The following METTL13 variants were observed in gnomAD, a reference collection of about 807,000 sequenced individuals.
METTL13 encodes methyltransferase 13, eEF1A N-terminus and K55.
In METTL13, 52 loss-of-function variants were observed where a neutral mutation model predicts 67.4. That is an observed-to-expected ratio of 0.77 (90% CI 0.62 to 0.97). The LOEUF is 0.97. METTL13 is among the 50% of genes least tolerant of loss of function. METTL13 has a pLI of 0.00. For synonymous variants in METTL13, 354 were observed against 353.6 expected, an observed-to-expected ratio of 1.00 and a Z score of -0.01; for missense variants, 825 against 889.6, an observed-to-expected ratio of 0.93 and a Z score of 0.92.
At chr1:171,783,307 T>C (rs1397553875) in intron 1 of METTL13, among the ~76,000 whole-genome samples, 2 of 152,164 alleles carry the variant, frequency 1.3e-5, no homozygotes, top group Admixed American at 1.3e-4. Context: ...GGAAGTAAGA[T>C]TTGAATCCTC....
Position 171,796,525 on chromosome 1 carries a change from AG to A in METTL13, c.1870del (p.Asp624ThrfsTer23). 1 of 1,614,232 alleles carries A rather than the reference AG, an allele frequency of 6.2e-7. No homozygotes were observed. The highest frequency in any genetic ancestry group is 8.5e-7 in the Non-Finnish European group (1 of 1,180,044). On this transcript the variant is annotated frameshift_variant, in exon 8 of 8. Transcript: ENST00000361735. LOFTEE classifies it high-confidence loss of function. ...TTGTGTGCCGAGACTTGGGGCTAAAAGACTCAGTGCTGGCTGGGCTCAAGGC... is the reference window on the plus strand; with the variant it reads ...TTGTGTGCCGAGACTTGGGGCTAAAAACTCAGTGCTGGCTGGGCTCAAGGC... ...NLVCRDLGLK[D>X]SVLAGLKAVF...
At chr1:171,794,282 C>T (rs2124906729) in intron 6 of METTL13, 114 bp from the exon 7 acceptor site, 2 of 1,460,974 alleles carry the variant, frequency 1.4e-6, no homozygotes, top group East Asian at 4.7e-5. Flanking sequence ...TCTGTGTCAT[C>T]CTTCTAACTT....
In METTL13 at chr1:171,793,699, A is replaced by G. The variant is rs1445862896; in HGVS notation, c.1694-697A>G. ...TAACATTATAGTAAGGAGCAGATCC[A>G]TTTCTTCATCAGTTCTTTCTCACCC... On this transcript the variant is annotated intron_variant, in intron 6 of 7. Coordinates refer to ENST00000361735, the MANE Select transcript of METTL13 (RefSeq NM_015935.5). Among the ~76,000 whole-genome samples, 4 of 152,240 alleles carry G rather than the reference A, an allele frequency of 2.6e-5. No individual in the cohort carries two copies. In the East Asian group the frequency reaches 7.7e-4, roughly 29 times the overall value.
At chr1:171,786,189 A>G (rs906345205) in intron 3 of METTL13, 111 bp downstream of exon 3, 1 of 1,164,700 alleles carries the variant, frequency 8.6e-7, no homozygotes, top group Non-Finnish European at 1.2e-6. Flanking sequence ...CTCTTCATCT[A>G]ATCCTGGAGG....
rs1161503150 is a variant in METTL13 at position 171,784,250 on chromosome 1, A to G, written c.664A>G (p.Ile222Val). The change falls in exon 2 of 8, where the codon ATC (isoleucine) becomes GTC (valine). Residue 222 changes from isoleucine (I) to valine (V), a missense_variant. By Grantham distance (29) the Ile-to-Val change is conservative (BLOSUM62 3). Transcript: ENST00000361735. ...FRPVPGSALQIFELCAQEQRK... is the reference protein window; with the variant it reads ...FRPVPGSALQVFELCAQEQRK... ...GCCAGTCCCTGGCTCTGCCCTTCAG[A>G]TCTTTGAGCTGTGTGCTCAGGAGCA... 3 of 1,614,052 alleles carry G rather than the reference A, an allele frequency of 1.9e-6. No individual in the cohort carries two copies. The highest frequency in any genetic ancestry group is 3.3e-5 in the Admixed American group (2 of 60,034).
At position 171,784,181 on chromosome 1, in the gene METTL13, C is replaced by G. The variant is rs150322704; in HGVS notation, c.595C>G (p.Gln199Glu). 6.2e-7 allele frequency: 1 copy of G among 1,614,116 alleles called. No homozygotes were observed. The highest frequency in any genetic ancestry group is 1.3e-5 in the African/African-American group (1 of 74,952). Reference protein sequence around the residue: ...SQDQVLEAEPQFSLPVFAFIM... With the variant: ...SQDQVLEAEPEFSLPVFAFIM... ...GGACCAGGTGTTGGAAGCAGAGCCTCAGTTCTCCTTGCCTGTCTTTGCCTT... is the reference window on the plus strand; with the variant it reads ...GGACCAGGTGTTGGAAGCAGAGCCTGAGTTCTCCTTGCCTGTCTTTGCCTT... Residue 199 changes from glutamine (Q) to glutamate (E), a missense_variant, in exon 2 of 8, where the codon CAG (glutamine) becomes GAG (glutamate). By Grantham distance (29) the Gln-to-Glu change is conservative. Coordinates refer to ENST00000361735, the MANE Select transcript of METTL13 (RefSeq NM_015935.5).
chr1:171,788,925 C>G (rs547713770), intron 4 of METTL13, among the ~76,000 whole-genome samples: 93 of 152,286 alleles, frequency 6.1e-4, no homozygotes, highest in Middle Eastern at 6.8e-3. Context: ...AGCCTAGAAT[C>G]AAGTTACCCA....
chr1:171,791,882 A>G lies in METTL13; in HGVS notation c.1475-135A>G, dbSNP rs1165779554. The G allele has an allele frequency of 6.3e-6, 5 of 790,164 alleles. No homozygotes were observed. In the African/African-American group the frequency reaches 8.6e-5, roughly 14 times the overall value. The allele number at this position is 790,164 out of a possible 1,614,324, so 48.9% of individuals were successfully genotyped here. ...AATTCACTCCTAGATTTCTGAAATG[A>G]GACAGGGAGACCTCTAAATCTTGTA... is the stretch of plus-strand genomic sequence containing the variant. On this transcript the variant is annotated intron_variant, in intron 5 of 7. Coordinates refer to ENST00000361735, the MANE Select transcript of METTL13 (RefSeq NM_015935.5).
intron 6 of METTL13, among the ~76,000 whole-genome samples, chr1:171,792,908 T>C (rs1657252504): frequency 6.6e-6 from 1 of 152,216 alleles, no homozygotes; most frequent in Non-Finnish European, 1.5e-5. Flanking sequence ...CTTCTGCAAC[T>C]AGAATTAAGG....
At position 171,784,165 on chromosome 1, in the gene METTL13, G is replaced by T; in HGVS notation, c.579G>T (p.Val193=). 1.2e-6 allele frequency: 2 copies of T among 1,614,240 alleles called. No homozygotes were observed. Among genetic ancestry groups the T allele is most frequent in the Non-Finnish European group, 1.7e-6 (2 of 1,180,056 alleles). ...AAGTGGCCAACAGCCAGGACCAGGT[G>T]TTGGAAGCAGAGCCTCAGTTCTCCT... is the stretch of plus-strand genomic sequence containing the variant. ...VHQVANSQDQ[V]LEAEPQFSLP... The change falls in exon 2 of 8, where the codon GTG becomes GTT. Residue 193 remains valine, a synonymous_variant. Coordinates refer to ENST00000361735, the MANE Select transcript of METTL13 (RefSeq NM_015935.5).
chr1:171,788,759 C>G (rs1657107952), intron 4 of METTL13, among the ~76,000 whole-genome samples: 1 of 152,234 alleles, frequency 6.6e-6, no homozygotes, highest in African/African-American at 2.4e-5. Context: ...TGCATCTTCC[C>G]TGTCTGAGGC....
intron 1 of METTL13, among the ~76,000 whole-genome samples, chr1:171,783,430 C>T (rs537691655): frequency 6.6e-6 from 1 of 152,306 alleles, no homozygotes; most frequent in Admixed American, 6.5e-5. Context: ...TCTCTGACTT[C>T]CTATTAATTC....
At chr1:171,795,391 C>T (rs1558133771) in intron 7 of METTL13, among the ~76,000 whole-genome samples, 1 of 152,108 alleles carries the variant, frequency 6.6e-6, no homozygotes, top group Non-Finnish European at 1.5e-5. Flanking sequence ...GTTGTAATTG[C>T]TGGATCATAG....
rs758308732 is a variant in METTL13, at chr1:171,786,070, C to T, written c.1105C>T (p.Gln369Ter). ...MELAPAGMPT[Q>*]QQVPFLSVGG... ...GCTGGCCCCAGCTGGGATGCCCACC[C>T]AGCAGCAGGTAACAAAGCTTTCGTA... Residue 369 changes from glutamine (Q) to a stop codon, truncating the protein, a stop_gained, in exon 3 of 8, where the codon CAG becomes TAG. Coordinates refer to ENST00000361735, the MANE Select transcript of METTL13 (RefSeq NM_015935.5). LOFTEE classifies it high-confidence loss of function. 2 of 1,612,474 alleles carry T rather than the reference C, an allele frequency of 1.2e-6. No homozygotes were observed. The highest frequency in any genetic ancestry group is 1.3e-5 in the African/African-American group (1 of 75,014).
intron 4 of METTL13, among the ~76,000 whole-genome samples, chr1:171,790,197 G>A (rs753706593): frequency 4.6e-5 from 7 of 152,206 alleles, no homozygotes; most frequent in Non-Finnish European, 1.0e-4. Context: ...CCATTCATGA[G>A]GGATCTGCCC....
At position 171,796,898 on chromosome 1, in the gene METTL13, G is replaced by T; in HGVS notation, c.*142G>T. 4 of 1,096,796 alleles carry T rather than the reference G, an allele frequency of 3.6e-6. No homozygotes were observed. The South Asian group carries it at 6.4e-5, about 17-fold the overall frequency. 67.9% of individuals were successfully genotyped at this position (1,096,796 alleles called of 1,614,324 possible). On this transcript the variant is annotated 3_prime_UTR_variant, in exon 8 of 8. Coordinates refer to ENST00000361735, the MANE Select transcript of METTL13 (RefSeq NM_015935.5). ...CTCAGCTACATGTGACCTCCAGCTT[G>T]GTGAGGTTGCCTGAAGATTAGGGAA...
In METTL13 at chr1:171,790,501, G is replaced by A. The variant is rs373936447; in HGVS notation, c.1359G>A (p.Ala453=). The A allele has an allele frequency of 4.0e-5, 64 of 1,611,030 alleles. No individual in the cohort carries two copies. The highest frequency in any genetic ancestry group is 1.7e-4 in the African/African-American group (13 of 74,726). The part of the protein sequence containing the change: ...KDRKKQRPAD[A]EDLPAAPGQS... The stretch of plus-strand genomic sequence containing the variant: ...GGAAGAAGCAGCGGCCTGCTGATGC[G>A]GAGGACCTCCCTGCAGCCCCGGGGC... Residue 453 remains alanine, a synonymous_variant, in exon 5 of 8, where the codon GCG becomes GCA. Coordinates refer to ENST00000361735, the MANE Select transcript of METTL13 (RefSeq NM_015935.5).
intron 5 of METTL13, chr1:171,790,860 T>C: frequency 2.9e-6 from 1 of 350,784 alleles, no homozygotes; most frequent in Non-Finnish European, 5.0e-6. Context: ...GTTCATTTCT[T>C]TTTAAAATTA....
intron 3 of METTL13, among the ~76,000 whole-genome samples, chr1:171,787,507 G>A (rs1657057041): frequency 6.6e-6 from 1 of 152,150 alleles, no homozygotes; most frequent in Non-Finnish European, 1.5e-5. Context: ...CTCACTAGTT[G>A]TTTGGGAGAT....
Sources: allele counts gnomAD v4.1 joint callset (sites outside exome capture counted in the v4.1 genomes callset), GRCh38; gene constraint gnomAD v4.1.1; transcripts MANE v1.5; gene names NCBI Gene and HGNC (gene_info 2026-07-23, HGNC 2026-07-21).